The following CNTNAP2 variants were observed in gnomAD, a reference collection of about 807,000 sequenced individuals.
The protein encoded by CNTNAP2 is contactin associated protein 2, also known as contactin-associated protein-like 2.
CNTNAP2 carries 98 observed loss-of-function variants against 155.2 expected under a neutral mutation model. The ratio of observed to expected loss-of-function variants is 0.63; its 90% confidence interval spans 0.54 to 0.75. The LOEUF (loss-of-function observed/expected upper bound fraction) is 0.75, where lower values mean the gene tolerates loss of function less well. Ranked by LOEUF, CNTNAP2 falls within the 30% of genes least tolerant of loss-of-function variation. The pLI is 0.00. For synonymous variants in CNTNAP2, 651 were observed against 631.2 expected (o/e 1.03, Z -0.47); for missense variants, 1,727 against 1,688.1 (o/e 1.02, Z -0.40).
chr7:147,197,069 T>C, intron 8 of CNTNAP2, among the ~76,000 whole-genome samples: 1 of 152,248 alleles, frequency 6.6e-6, no homozygotes, highest in African/African-American at 2.4e-5. Context: ...TCCCCCCTCC[T>C]TTTCTGTGTG....
At chr7:148,334,650 G>A (rs2116569040) in intron 21 of CNTNAP2, among the ~76,000 whole-genome samples, 1 of 152,340 alleles carries the variant, frequency 6.6e-6, no homozygotes, top group Non-Finnish European at 1.5e-5. Context: ...ACCGCAGAAA[G>A]CACCCTGCCC....
intron 3 of CNTNAP2, among the ~76,000 whole-genome samples, chr7:146,861,655 C>T (rs898569467): frequency 6.6e-6 from 1 of 152,018 alleles, no homozygotes; most frequent in Non-Finnish European, 1.5e-5. Flanking sequence ...TATAAAAAAT[C>T]AGCATTCAGT....
At chr7:146,451,737 T>C (rs1796483053) in intron 1 of CNTNAP2, among the ~76,000 whole-genome samples, 1 of 151,612 alleles carries the variant, frequency 6.6e-6, no homozygotes, top group South Asian at 2.1e-4. Context: ...TTAAATATCA[T>C]TTTGATTTTC....
intron 2 of CNTNAP2, among the ~76,000 whole-genome samples, chr7:146,792,861 A>G (rs1047924533): frequency 1.3e-5 from 2 of 152,202 alleles, no homozygotes; most frequent in African/African-American, 4.8e-5. Context: ...AGGGGCATCA[A>G]TAATTTAACA....
At chr7:147,321,261 C>T (rs1329914959) in intron 9 of CNTNAP2, among the ~76,000 whole-genome samples, 1 of 152,062 alleles carries the variant, frequency 6.6e-6, no homozygotes, top group African/African-American at 2.4e-5. Context: ...ATGATATCCT[C>T]AATCTGATCA....
chr7:146,447,570 A>G (rs2129121430), intron 1 of CNTNAP2, among the ~76,000 whole-genome samples: 1 of 152,192 alleles, frequency 6.6e-6, no homozygotes, highest in East Asian at 1.9e-4. Flanking sequence ...TACATAAACC[A>G]AAAAATATGC....
chr7:147,614,203 G>A (rs1584855758), intron 12 of CNTNAP2, among the ~76,000 whole-genome samples: 1 of 152,134 alleles, frequency 6.6e-6, no homozygotes, highest in Non-Finnish European at 1.5e-5. Context: ...TTAGACCTTG[G>A]CTCTTAAATA....
At position 147,867,369 on chromosome 7, in the gene CNTNAP2, C is replaced by A. The variant is rs375214148; in HGVS notation, c.2099-36196C>A. 3.2e-4 allele frequency among the ~76,000 whole-genome samples: 49 copies of A among 152,262 alleles called. 1 individual carries two copies. Among genetic ancestry groups the A allele is most frequent in the African/African-American group, 1.0e-3 (42 of 41,538 alleles). On this transcript the variant is annotated intron_variant, in intron 13 of 23. Coordinates refer to ENST00000361727, the MANE Select transcript of CNTNAP2 (RefSeq NM_014141.6). Reference sequence around the variant, plus strand: ...TGGGTAACCCGACCTTTCTTTCTGGCTGCCCTTAATATTTTTTATTTCATT... The same window carrying A: ...TGGGTAACCCGACCTTTCTTTCTGGATGCCCTTAATATTTTTTATTTCATT...
intron 21 of CNTNAP2, among the ~76,000 whole-genome samples, chr7:148,380,008 T>C (rs980782439): frequency 3.3e-5 from 5 of 152,240 alleles, no homozygotes; most frequent in Admixed American, 6.5e-5. Flanking sequence ...TTTTAACGTA[T>C]TACCCGGAAT....
chr7:148,161,071 G>A (rs552717011), intron 17 of CNTNAP2, among the ~76,000 whole-genome samples: 1 of 152,120 alleles, frequency 6.6e-6, no homozygotes, highest in East Asian at 1.9e-4. Flanking sequence ...GCCCCTCCAA[G>A]GATATCTTTA....
At chr7:147,706,183 T>G (rs1796312925) in intron 13 of CNTNAP2, among the ~76,000 whole-genome samples, 1 of 146,898 alleles carries the variant, frequency 6.8e-6, no homozygotes, top group African/African-American at 2.5e-5. Flanking sequence ...CATTTGAGGT[T>G]TTTTTTTTTT....
chr7:146,677,021 C>T (rs1325095684), intron 1 of CNTNAP2, among the ~76,000 whole-genome samples: 1 of 152,228 alleles, frequency 6.6e-6, no homozygotes, highest in African/African-American at 2.4e-5. Flanking sequence ...ATGCCCATCA[C>T]ACAACCTCAG....
At chr7:148,197,007 AC>A (rs1397478930) in intron 18 of CNTNAP2, among the ~76,000 whole-genome samples, 1 of 152,196 alleles carries the variant, frequency 6.6e-6, no homozygotes, top group Non-Finnish European at 1.5e-5. Context: ...AGGAAAAAAA[AC>A]AATGTTAAAC....
chr7:146,935,926 T>C (rs889508224), intron 3 of CNTNAP2, among the ~76,000 whole-genome samples: 3 of 152,220 alleles, frequency 2.0e-5, no homozygotes, highest in African/African-American at 7.2e-5. Context: ...CCGATAGTCA[T>C]AATAGAAGTC....
intron 1 of CNTNAP2, among the ~76,000 whole-genome samples, chr7:146,645,233 G>A (rs1799790835): frequency 6.6e-6 from 1 of 152,126 alleles, no homozygotes; most frequent in African/African-American, 2.4e-5. Context: ...ATGAATGAAT[G>A]TGTGTATCAC....
intron 13 of CNTNAP2, among the ~76,000 whole-genome samples, chr7:147,656,842 A>C (rs2116947614): frequency 6.6e-6 from 1 of 152,334 alleles, no homozygotes; most frequent in African/African-American, 2.4e-5. Context: ...AATTTATAAT[A>C]AAGCATATGA....
At chr7:146,742,675 TGAGAG>T (rs1310153664) in intron 1 of CNTNAP2, among the ~76,000 whole-genome samples, 1 of 151,956 alleles carries the variant, frequency 6.6e-6, no homozygotes, top group Non-Finnish European at 1.5e-5. Flanking sequence ...AAGTAGGTAA[TGAGAG>T]AAGAGTAAAA....
chr7:147,743,580 G>A (rs1403649590), intron 13 of CNTNAP2, among the ~76,000 whole-genome samples: 1 of 152,162 alleles, frequency 6.6e-6, no homozygotes, highest in Admixed American at 6.5e-5. Context: ...TGCTTGTCCA[G>A]TCACGCTCTG....
chr7:147,919,024 C>T (rs1800211899), intron 14 of CNTNAP2, among the ~76,000 whole-genome samples: 1 of 152,088 alleles, frequency 6.6e-6, no homozygotes, highest in Admixed American at 6.6e-5. Context: ...TGAGAAAAGA[C>T]CCTTTCCTGG....
Sources: allele counts gnomAD v4.1 joint callset (sites outside exome capture counted in the v4.1 genomes callset), GRCh38; gene constraint gnomAD v4.1.1; transcripts MANE v1.5; gene names NCBI Gene and HGNC (gene_info 2026-07-23, HGNC 2026-07-21).